The following MKLN1 variants were observed in gnomAD, a reference collection of about 807,000 sequenced individuals.
MKLN1 encodes the protein muskelin 1.
Under a neutral mutation model 99.0 loss-of-function variants are expected in MKLN1, and 18 were observed. The observed-to-expected ratio is 0.18, with a 90% confidence interval of 0.13 to 0.27. The LOEUF is 0.27. Ranked by LOEUF, MKLN1 falls within the 10% of genes least tolerant of loss-of-function variation. The probability of loss-of-function intolerance (pLI) is 1.00; values close to 1 mark genes in which losing one functional copy is unlikely to be tolerated. For synonymous variants in MKLN1, 288 were observed against 293.2 expected (o/e 0.98, Z 0.18); for missense variants, 621 against 875.9 (o/e 0.71, Z 3.67).
At chr7:131,298,450 T>G (rs966066021) in intron 3 of MKLN1, among the ~76,000 whole-genome samples, 1 of 152,214 alleles carries the variant, frequency 6.6e-6, no homozygotes, top group Non-Finnish European at 1.5e-5. Context: ...AACATTTTTT[T>G]GTTCTCAGTG....
chr7:131,356,298 C>T (rs572009151), intron 1 of MKLN1, among the ~76,000 whole-genome samples: 16 of 151,998 alleles, frequency 1.1e-4, no homozygotes, highest in Admixed American at 4.6e-4. Context: ...TCCCTAGCTC[C>T]GGCTGCAACC....
chr7:131,445,660 T>C, intron 11 of MKLN1, 114 bp from the exon 12 acceptor site: 2 of 789,054 alleles, frequency 2.5e-6, no homozygotes, highest in African/African-American at 1.7e-5. Flanking sequence ...TAGTACTCCA[T>C]TGGGATCTGT....
rs1165931314 is a variant in MKLN1 at position 131,461,459 on chromosome 7, G to A, written c.1526-1758G>A. Among the ~76,000 whole-genome samples, 5 of 152,112 alleles carry A rather than the reference G, an allele frequency of 3.3e-5. No homozygotes were observed. The South Asian group carries it at 1.0e-3, about 32-fold the overall frequency. Reference sequence around the variant, plus strand: ...TGTATGTATACAAATTGTATGGTGTGTGTGTGTGTGTATAATTTTATAATA... The same window carrying A: ...TGTATGTATACAAATTGTATGGTGTATGTGTGTGTGTATAATTTTATAATA... On this transcript the variant is annotated intron_variant, in intron 12 of 17. Transcript: ENST00000352689.
intron 3 of MKLN1, among the ~76,000 whole-genome samples, chr7:131,215,170 C>G (rs1224548976): frequency 6.6e-6 from 1 of 152,150 alleles, no homozygotes; most frequent in Non-Finnish European, 1.5e-5. Context: ...CCTCAGCCCC[C>G]ACCAAATAGC....
chr7:131,477,825 A>G (rs889107661), intron 16 of MKLN1, among the ~76,000 whole-genome samples: 3 of 152,236 alleles, frequency 2.0e-5, no homozygotes, highest in Non-Finnish European at 1.5e-5. Flanking sequence ...GGAAGTGCCA[A>G]GTAACTCCAT....
intron 2 of MKLN1, among the ~76,000 whole-genome samples, chr7:131,167,976 A>G (rs1796150103): frequency 6.6e-6 from 1 of 152,222 alleles, no homozygotes; most frequent in South Asian, 2.1e-4. Context: ...AAAAAGGACT[A>G]GGAGGAAATT....
chr7:131,466,912 C>A (rs990186423), intron 15 of MKLN1, among the ~76,000 whole-genome samples: 10 of 150,124 alleles, frequency 6.7e-5, no homozygotes, highest in African/African-American at 2.0e-4. Context: ...TATACACACA[C>A]ACACACACAC....
At chr7:131,167,683 A>AT (rs1240975134) in intron 2 of MKLN1, among the ~76,000 whole-genome samples, 2 of 151,872 alleles carry the variant, frequency 1.3e-5, no homozygotes, top group East Asian at 1.9e-4. Flanking sequence ...AAAAAAAAAA[A>AT]AAATAATGTG....
At chr7:131,478,786 G>A in intron 17 of MKLN1, 109 bp downstream of exon 17, 2 of 1,288,902 alleles carry the variant, frequency 1.6e-6, no homozygotes, top group East Asian at 2.3e-5. Context: ...TCAAATAGAT[G>A]AGCAAATGAA....
intron 3 of MKLN1, among the ~76,000 whole-genome samples, chr7:131,275,978 G>A (rs1797966778): frequency 6.6e-6 from 1 of 152,184 alleles, no homozygotes; most frequent in South Asian, 2.1e-4. Flanking sequence ...TGGAGGAGCA[G>A]GGCGCAATGA....
intron 1 of MKLN1, among the ~76,000 whole-genome samples, chr7:131,332,582 A>G (rs117391416): frequency 0.011 from 1,653 of 151,532 alleles, 12 homozygotes; most frequent in Non-Finnish European, 0.018. Context: ...CCTTGATATC[A>G]CTACCTAAAG....
intron 3 of MKLN1, among the ~76,000 whole-genome samples, chr7:131,205,057 C>T (rs1796788881): frequency 6.6e-6 from 1 of 151,414 alleles, no homozygotes; most frequent in South Asian, 2.1e-4. Flanking sequence ...AAGATTGTGC[C>T]ACTGCACTCC....
At chr7:131,331,867 A>G (rs1427895285) in intron 1 of MKLN1, among the ~76,000 whole-genome samples, 3 of 152,228 alleles carry the variant, frequency 2.0e-5, no homozygotes, top group African/African-American at 7.2e-5. Context: ...TTTACATATT[A>G]GGTAATTTCA....
chr7:131,464,434 A>T lies in MKLN1; in HGVS notation c.1788+26A>T, dbSNP rs777573250. ...GTATCCTAACTACATTGACCTGTAAACTTTCCATGGCCTACTATCTGAAAC... is the reference window on the plus strand; with the variant it reads ...GTATCCTAACTACATTGACCTGTAATCTTTCCATGGCCTACTATCTGAAAC... On this transcript the variant is annotated intron_variant, in intron 14 of 17. Coordinates refer to ENST00000352689, the MANE Select transcript of MKLN1 (RefSeq NM_013255.5). 3.7e-6 allele frequency: 5 copies of T among 1,354,362 alleles called. No individual in the cohort carries two copies. The East Asian group carries it at 1.2e-4, about 31-fold the overall frequency. The allele number at this position is 1,354,362 out of a possible 1,614,324, so 83.9% of individuals were successfully genotyped here.
chr7:131,209,924 A>G (rs1255005192), intron 3 of MKLN1, among the ~76,000 whole-genome samples: 2 of 152,122 alleles, frequency 1.3e-5, no homozygotes, highest in Non-Finnish European at 2.9e-5. Context: ...AAAGACCAAT[A>G]CATGAGGTAC....
chr7:131,221,457 C>T (rs979663116), intron 3 of MKLN1, among the ~76,000 whole-genome samples: 4 of 150,484 alleles, frequency 2.7e-5, no homozygotes, highest in Admixed American at 2.7e-4. Flanking sequence ...CTGGGTGAAT[C>T]ATGGAACCAA....
chr7:131,274,510 T>G (rs1339976143), intron 3 of MKLN1, among the ~76,000 whole-genome samples: 1 of 151,582 alleles, frequency 6.6e-6, no homozygotes, highest in Admixed American at 6.6e-5. Flanking sequence ...GAGTGTGGTG[T>G]CATGTAACTG....
At chr7:131,382,714 A>ATATTTTATTT (rs71174944) in intron 2 of MKLN1, among the ~76,000 whole-genome samples, 273 of 148,934 alleles carry the variant, frequency 1.8e-3, no homozygotes, top group African/African-American at 3.7e-3. Flanking sequence ...TTAGCTATAG[A>ATATTTTATTT]TATTTTATTT....
intron 3 of MKLN1, among the ~76,000 whole-genome samples, chr7:131,232,195 A>G (rs10954310): frequency 0.64 from 97,684 of 151,996 alleles, 32,605 homozygotes; most frequent in South Asian, 0.81. Context: ...GAACATGTAA[A>G]AGGTCTCATT....
Sources: gnomAD v4.1 joint callset for allele counts (sites outside exome capture counted in the v4.1 genomes callset) on GRCh38, gnomAD v4.1.1 for gene constraint, MANE v1.5 for transcripts, NCBI Gene and HGNC (gene_info 2026-07-23, HGNC 2026-07-21) for gene names.